Variants in KLF13 observed in about 807,000 individuals in gnomAD.
KLF13 encodes KLF transcription factor 13, also known as Krueppel-like factor 13.
KLF13 carries 8 observed loss-of-function variants against 16.7 expected under a neutral mutation model. That is an observed-to-expected ratio of 0.48 (90% CI 0.28 to 0.87). KLF13 has a LOEUF of 0.87. KLF13 is among the 40% of genes least tolerant of loss of function. The pLI is 0.10. For synonymous variants in KLF13, 245 were observed against 208.4 expected (o/e 1.18, Z -1.51); for missense variants, 447 against 452.2 (o/e 0.99, Z 0.10).
intron 1 of KLF13, among the ~76,000 whole-genome samples, chr15:31,328,877 C>G (rs1304140938): frequency 6.6e-6 from 1 of 152,226 alleles, no homozygotes; most frequent in Non-Finnish European, 1.5e-5. Flanking sequence ...CCTCTTCTAC[C>G]TTGGGGGCAG....
intron 1 of KLF13, among the ~76,000 whole-genome samples, chr15:31,346,894 G>C (rs1302850779): frequency 6.6e-6 from 1 of 152,166 alleles, no homozygotes; most frequent in Non-Finnish European, 1.5e-5. Context: ...GGGAGATGCA[G>C]ACTGGACGTG....
chr15:31,365,917 CGTT>C (rs1343127334), intron 1 of KLF13, among the ~76,000 whole-genome samples: 1 of 152,032 alleles, frequency 6.6e-6, no homozygotes, highest in Non-Finnish European at 1.5e-5. Context: ...TGAGAGAACA[CGTT>C]GTCCCCGCCT....
chr15:31,357,834 C>T (rs770267125), intron 1 of KLF13, among the ~76,000 whole-genome samples: 5 of 152,186 alleles, frequency 3.3e-5, no homozygotes, highest in East Asian at 1.9e-4. Flanking sequence ...CAGAGACTCC[C>T]GAGCCTTTGT....
intron 1 of KLF13, among the ~76,000 whole-genome samples, chr15:31,429,743 ATTTATTTT>A (rs986168473): frequency 1.1e-5 from 1 of 94,864 alleles, no homozygotes; most frequent in African/African-American, 3.6e-5. Flanking sequence ...TTATTTATTT[ATTTATTTT>A]GAGATGGAGA....
At chr15:31,355,146 C>T (rs957802895) in intron 1 of KLF13, among the ~76,000 whole-genome samples, 1 of 152,178 alleles carries the variant, frequency 6.6e-6, no homozygotes, top group Non-Finnish European at 1.5e-5. Context: ...TCAAAAGCAA[C>T]AACAACCGAA....
intron 1 of KLF13, among the ~76,000 whole-genome samples, chr15:31,421,348 G>A (rs2040320451): frequency 6.6e-6 from 1 of 152,092 alleles, no homozygotes; most frequent in Non-Finnish European, 1.5e-5. Context: ...GTAAAGGGAG[G>A]TATATGGAAA....
chr15:31,404,685 G>T (rs937730809), exon 3 of KLF13: 8 of 152,238 alleles, frequency 5.3e-5, no homozygotes, highest in African/African-American at 1.9e-4. Flanking sequence ...CCCTGTTGTG[G>T]TGTATTTGTT....
chr15:31,410,783 C>G (rs879309651), intron 1 of KLF13, among the ~76,000 whole-genome samples: 1 of 152,118 alleles, frequency 6.6e-6, no homozygotes, highest in South Asian at 2.1e-4. Context: ...AAAAGTGAAT[C>G]GAACTGAAGG....
chr15:31,413,654 G>T (rs1438530569), intron 1 of KLF13, among the ~76,000 whole-genome samples: 10 of 152,054 alleles, frequency 6.6e-5, no homozygotes, highest in African/African-American at 1.4e-4. Flanking sequence ...ATAAAGAAAT[G>T]CTTAGGTTAA....
chr15:31,414,535 A>G (rs541337052), intron 1 of KLF13, among the ~76,000 whole-genome samples: 2 of 152,316 alleles, frequency 1.3e-5, no homozygotes, highest in South Asian at 2.1e-4. Context: ...GGAAAAAGAT[A>G]TGTCATGAAA....
chr15:31,349,668 A>G (rs1289687844), intron 1 of KLF13, among the ~76,000 whole-genome samples: 1 of 152,096 alleles, frequency 6.6e-6, no homozygotes, highest in Non-Finnish European at 1.5e-5. Flanking sequence ...TCTGCAGGAG[A>G]AGTCCTCCGG....
At chr15:31,347,790 C>G (rs2039148236) in intron 1 of KLF13, among the ~76,000 whole-genome samples, 1 of 152,254 alleles carries the variant, frequency 6.6e-6, no homozygotes, top group Admixed American at 6.5e-5. Flanking sequence ...CCTCCAGCCT[C>G]TGGGGCCCTG....
intron 1 of KLF13, among the ~76,000 whole-genome samples, chr15:31,415,059 A>G (rs1232965439): frequency 6.6e-6 from 1 of 152,106 alleles, no homozygotes; most frequent in Non-Finnish European, 1.5e-5. Flanking sequence ...GTTTAAAATA[A>G]TCTGGCACTT....
chr15:31,409,987 A>T (rs958210383), intron 1 of KLF13, among the ~76,000 whole-genome samples: 2 of 152,208 alleles, frequency 1.3e-5, no homozygotes, highest in Non-Finnish European at 2.9e-5. Flanking sequence ...AAGTCTATTT[A>T]AAAATTTTCT....
chr15:31,355,819 C>A (rs2039290732), intron 1 of KLF13, among the ~76,000 whole-genome samples: 1 of 151,802 alleles, frequency 6.6e-6, no homozygotes, highest in South Asian at 2.1e-4. Context: ...GTGCTGTTGT[C>A]CCCACACCCC....
At position 31,375,208 on chromosome 15, in the gene KLF13, C is replaced by G. The variant is rs114049913; in HGVS notation, c.*2909C>G. On this transcript the variant is annotated 3_prime_UTR_variant, in exon 2 of 2. Transcript: ENST00000307145. ...GGGAGAAACCCATGAATCTCAGGCA[C>G]GGTTCACAGGGGTCCTCAAGGGCAG... The G allele has an allele frequency of 1.3e-5, 2 of 152,178 alleles. No individual in the cohort carries two copies. The highest frequency in any genetic ancestry group is 2.4e-5 in the African/African-American group (1 of 41,390). 9.4% of individuals were successfully genotyped at this position (152,178 alleles called of 1,614,324 possible). A position where few individuals can be genotyped will look rare whatever the true frequency, so the allele number is the denominator to read the frequency against.
downstream of KLF13, among the ~76,000 whole-genome samples, chr15:31,409,565 C>G (rs1175911079): frequency 6.6e-6 from 1 of 151,840 alleles, no homozygotes; most frequent in Admixed American, 6.6e-5. Flanking sequence ...AAGAGAGAAA[C>G]CACACTTACG....
chr15:31,371,666 C>G (rs371808179), intron 1 of KLF13, among the ~76,000 whole-genome samples: 1 of 152,214 alleles, frequency 6.6e-6, no homozygotes, highest in Non-Finnish European at 1.5e-5. Flanking sequence ...ACCACTGGCC[C>G]GGCATGGGTG....
At chr15:31,383,177 G>A (rs2039748995) in intron 1 of KLF13, among the ~76,000 whole-genome samples, 1 of 152,246 alleles carries the variant, frequency 6.6e-6, no homozygotes, top group South Asian at 2.1e-4. Flanking sequence ...GATGAACACA[G>A]CTGCTCCCTG....
Sources: allele counts gnomAD v4.1 joint callset (sites outside exome capture counted in the v4.1 genomes callset), GRCh38; gene constraint gnomAD v4.1.1; transcripts MANE v1.5; gene names NCBI Gene and HGNC (gene_info 2026-07-23, HGNC 2026-07-21).